Variants in FLNC observed in about 807,000 individuals in gnomAD.
FLNC encodes the protein filamin-C.
Under a neutral mutation model 254.3 loss-of-function variants are expected in FLNC, and 91 were observed. The ratio of observed to expected loss-of-function variants is 0.36; its 90% CI spans 0.30 to 0.43. The LOEUF (loss-of-function observed/expected upper bound fraction) is 0.43, where lower values mean the gene tolerates loss of function less well. Ranked by LOEUF, FLNC falls within the 20% of genes least tolerant of loss-of-function variation. FLNC has a pLI of 1.00. For synonymous variants in FLNC, 1,430 were observed against 1,577.2 expected (o/e 0.91, Z 2.21); for missense variants, 2,853 against 3,802.6 (o/e 0.75, Z 6.57).
rs186451916 is a variant in FLNC, at chr7:128,856,547, G to A, written c.7281G>A (p.Ala2427=). The change falls in exon 44 of 48, where the codon GCG becomes GCA. Residue 2427 remains alanine (A), a synonymous_variant. Coordinates refer to ENST00000325888, the MANE Select transcript of FLNC (RefSeq NM_001458.5). This position sits in a 1 kb window ranked among gnomAD's most constrained non-coding sequence, Gnocchi z 5.9. Reference sequence around the variant, plus strand: ...CGGGGCTCAAGGTGAACCAGCCAGCGTCCTTTGCCGTGCAGCTGAACGGTG... The same window carrying A: ...CGGGGCTCAAGGTGAACCAGCCAGCATCCTTTGCCGTGCAGCTGAACGGTG... ...QETGLKVNQP[A]SFAVQLNGAR... is the part of the protein sequence containing the mutation. 7.0e-5 allele frequency: 113 copies of A among 1,612,890 alleles called. No individual in the cohort carries two copies. The African/African-American group carries it at 1.3e-3, about 18-fold the overall frequency.
chr7:128,858,818 G>T lies in FLNC; in HGVS notation c.*295G>T. 1 of 489,290 alleles carries T rather than the reference G, an allele frequency of 2.0e-6. No individual in the cohort carries two copies. Among genetic ancestry groups the T allele is most frequent in the Non-Finnish European group, 3.7e-6 (1 of 266,930 alleles). 30.3% of individuals were successfully genotyped at this position (489,290 alleles called of 1,614,324 possible). A position where few individuals can be genotyped will look rare whatever the true frequency, so the allele number is the denominator to read the frequency against. On this transcript the variant is annotated 3_prime_UTR_variant, in exon 48 of 48. Transcript: ENST00000325888. The surrounding 1 kb of genome is among the most constrained non-coding windows in gnomAD (Gnocchi z 6.7). ...ACAAGGGGCTGGCGAGGGCTGCGAG[G>T]CCAGGGAAGCCCTGAGTTTCTGGCG...
rs780429083 is a variant in FLNC, at chr7:128,841,389, G to A, written c.2007+26G>A. 2.5e-6 allele frequency: 4 copies of A among 1,613,692 alleles called. No homozygotes were observed. The highest frequency in any genetic ancestry group is 1.3e-5 in the African/African-American group (1 of 75,028). The stretch of plus-strand genomic sequence containing the variant: ...GTGTGGTCCCAGCTCACACACACCT[G>A]CCCCGGGGGTGGGGCAAGCTGGTTC... On this transcript the variant is annotated intron_variant, in intron 12 of 47. Coordinates refer to ENST00000325888, the MANE Select transcript of FLNC (RefSeq NM_001458.5). The surrounding 1 kb of genome is among the most constrained non-coding windows in gnomAD (Gnocchi z 4.3).
chr7:128,846,158 A>C lies in FLNC; in HGVS notation c.3959A>C (p.Glu1320Ala). Residue 1320 changes from glutamate to alanine, a missense_variant, in exon 22 of 48, where the codon GAG becomes GCG. Transcript: ENST00000325888. ...TACCGAGTGCAGTACACCGCCTACG[A>C]GGAGGGTGAGGGCCGGTGGGCCAGG... is the stretch of plus-strand genomic sequence containing the variant. ...GTYRVQYTAY[E>A]EGVHLVEVLY... The C allele has an allele frequency of 6.2e-7, 1 of 1,611,478 alleles. No individual in the cohort carries two copies.
In FLNC at chr7:128,848,040, A is replaced by C. The variant is rs778417108; in HGVS notation, c.4552A>C (p.Lys1518Gln). 3 of 1,606,750 alleles carry C rather than the reference A, an allele frequency of 1.9e-6. No individual in the cohort carries two copies. The highest frequency in any genetic ancestry group is 2.6e-6 in the Non-Finnish European group (3 of 1,176,398). ...ATDGPYTVAV[K>Q]YADQEVPRSP... ...TGACGGGCCCTACACGGTAGCCGTC[A>C]AGTATGCTGACCAGGAGGTGCCACG... The change falls in exon 26 of 48, where the codon AAG becomes CAG. Residue 1518 changes from lysine (K) to glutamine (Q), a missense_variant. Lys to Gln is a moderately conservative substitution (Grantham distance 53). Transcript: ENST00000325888.
rs1438205248 is a variant in FLNC at position 128,858,450 on chromosome 7, G to A, written c.8105G>A (p.Gly2702Glu). Residue 2702 changes from glycine (G) to glutamate (E), a missense_variant, in exon 48 of 48, where the codon GGG (glycine) becomes GAG (glutamate). Physicochemically the swap from Gly to Glu is moderately conservative, Grantham distance 98 (BLOSUM62 -2). Coordinates refer to ENST00000325888, the MANE Select transcript of FLNC (RefSeq NM_001458.5). This position sits in a 1 kb window ranked among gnomAD's most constrained non-coding sequence, Gnocchi z 6.7. ...GTCACCTACACTGTCAAGGAGAAAG[G>A]GGACTACATCCTCATTGTCAAGTGG... is the stretch of plus-strand genomic sequence containing the variant. ...YNVTYTVKEK[G>E]DYILIVKWGD... 6.2e-7 allele frequency: 1 copy of A among 1,613,766 alleles called. No individual in the cohort carries two copies.
At position 128,842,462 on chromosome 7, in the gene FLNC, C is replaced by T; in HGVS notation, c.2265+88C>T. 6.3e-7 allele frequency: 1 copy of T among 1,599,778 alleles called. No individual in the cohort carries two copies. The highest frequency in any genetic ancestry group is 2.3e-5 in the East Asian group (1 of 44,368). On this transcript the variant is annotated intron_variant, in intron 14 of 47. Coordinates refer to ENST00000325888, the MANE Select transcript of FLNC (RefSeq NM_001458.5). This position sits in a 1 kb window ranked among gnomAD's most constrained non-coding sequence, Gnocchi z 5.4. Reference sequence around the variant, plus strand: ...CGCTGGAGTCCCTGTTGTCCCTGGGCTCAGGCTGGGACTGAGGCTTGGGCT... The same window carrying T: ...CGCTGGAGTCCCTGTTGTCCCTGGGTTCAGGCTGGGACTGAGGCTTGGGCT...
Position 128,850,794 on chromosome 7 carries a change from G to A in FLNC, c.5399-9G>A. On this transcript the variant is annotated splice_polypyrimidine_tract_variant and intron_variant, in intron 32 of 47. Transcript: ENST00000325888. Reference sequence around the variant, plus strand: ...CCAGGGTCTCCACGTAACTGTGTCTGCCCTGCAGGAGAGGTGCGGATGCCC... The same window carrying A: ...CCAGGGTCTCCACGTAACTGTGTCTACCCTGCAGGAGAGGTGCGGATGCCC... 1.9e-6 allele frequency: 3 copies of A among 1,613,756 alleles called. No individual in the cohort carries two copies. The highest frequency in any genetic ancestry group is 2.5e-6 in the Non-Finnish European group (3 of 1,180,024).
chr7:128,844,379 AGGGTGT>A (rs2128936274), intron 20 of FLNC, 113 bp downstream of exon 20: 1 of 1,331,178 alleles, frequency 7.5e-7, no homozygotes, highest in East Asian at 2.5e-5. Context: ...GGCACAGCCA[AGGGTGT>A]GGGGCTGAGG....
chr7:128,836,883 G>A lies in FLNC; in HGVS notation c.602-277G>A, dbSNP rs961065544. Among the ~76,000 whole-genome samples the A allele has an allele frequency of 6.6e-6, 1 of 152,222 alleles. No homozygotes were observed. The highest frequency in any genetic ancestry group is 1.5e-5 in the Non-Finnish European group (1 of 68,040). On this transcript the variant is annotated intron_variant, in intron 2 of 47. Transcript: ENST00000325888. This position sits in a 1 kb window ranked among gnomAD's most constrained non-coding sequence, Gnocchi z 6.0. Reference sequence around the variant, plus strand: ...TTTGGGGTTCAAGGTCTGAGCTGGGGCCTGGGCAGGCAGGAGGCCGGCCAG... The same window carrying A: ...TTTGGGGTTCAAGGTCTGAGCTGGGACCTGGGCAGGCAGGAGGCCGGCCAG...
intron 9 of FLNC, 78 bp downstream of exon 9, chr7:128,840,238 A>G (rs1585155394): frequency 6.4e-7 from 1 of 1,558,988 alleles, no homozygotes; most frequent in Non-Finnish European, 8.8e-7. Flanking sequence ...TCTGACTCCC[A>G]GAGGGCAGTG....
rs760853334 is a variant in FLNC, at chr7:128,846,462, A to G, written c.4126A>G (p.Arg1376Gly). The change falls in exon 23 of 48, where the codon AGG becomes GGG. Residue 1376 changes from arginine to glycine, a missense_variant and splice_region_variant. Arg to Gly is a moderately radical substitution (Grantham distance 125, BLOSUM62 -2). This residue lies in a region of FLNC where 1,573 missense variants were observed against 1,883.5 expected (regional missense o/e 0.84). Coordinates refer to ENST00000325888, the MANE Select transcript of FLNC (RefSeq NM_001458.5). ...GGCCAACCGATTCACTGTGGAGACC[A>G]GGTATCCTCCCCCTTTGCTAGCCTA... ...NKANRFTVETRGAGTGGLGLA... is the reference protein window; with the variant it reads ...NKANRFTVETGGAGTGGLGLA... The G allele has an allele frequency of 6.2e-7, 1 of 1,601,282 alleles. No individual in the cohort carries two copies. The highest frequency in any genetic ancestry group is 1.1e-5 in the South Asian group (1 of 91,084).
Position 128,849,953 on chromosome 7 carries a change from G to GC in FLNC, c.5200-18dup, listed in dbSNP as rs1397579409. ...GGCCTGTGAGGCTGCCACACCCTGTGCCCCCGTGCCTTGCCTCCCCAGGCG... is the reference window on the plus strand; with the variant it reads ...GGCCTGTGAGGCTGCCACACCCTGTGCCCCCCGTGCCTTGCCTCCCCAGGCG... On this transcript the variant is annotated intron_variant, in intron 30 of 47. Transcript: ENST00000325888. 6 of 1,524,038 alleles carry GC rather than the reference G, an allele frequency of 3.9e-6. No individual in the cohort carries two copies. The East Asian group carries it at 1.4e-4, about 35-fold the overall frequency. 94.4% of individuals were successfully genotyped at this position (1,524,038 alleles called of 1,614,324 possible).
At chr7:128,855,124 TA>T in intron 42 of FLNC, 74 bp from the exon 43 acceptor site, 1 of 1,167,798 alleles carries the variant, frequency 8.6e-7, no homozygotes. Flanking sequence ...TTTCCTGGGA[TA>T]AGGCCAGGGT....
At position 128,838,354 on chromosome 7, in the gene FLNC, T is replaced by G. The variant is rs746992457; in HGVS notation, c.1135T>G (p.Ser379Ala). 3.1e-6 allele frequency: 5 copies of G among 1,614,030 alleles called. No individual in the cohort carries two copies. Among genetic ancestry groups the G allele is most frequent in the Non-Finnish European group, 4.2e-6 (5 of 1,179,998 alleles). Residue 379 changes from serine (S) to alanine (A), a missense_variant, in exon 7 of 48, where the codon TCA becomes GCA. Ser to Ala is a moderately conservative substitution (Grantham distance 99). Around this residue, in one of 10 missense-constraint regions of FLNC, gnomAD observed 1,573 missense variants for 1,883.5 expected, o/e 0.84. Coordinates refer to ENST00000325888, the MANE Select transcript of FLNC (RefSeq NM_001458.5). ...GMALGDANKV[S>A]ARGPGLEPVG... Reference sequence around the variant, plus strand: ...GGCCCTGGGAGATGCCAACAAGGTGTCAGCCCGTGGCCCTGGCCTGGAACC... The same window carrying G: ...GGCCCTGGGAGATGCCAACAAGGTGGCAGCCCGTGGCCCTGGCCTGGAACC...
At chr7:128,846,491 C>T (rs772094597) in intron 23 of FLNC, 28 bp downstream of exon 23, 2 of 1,598,940 alleles carry the variant, frequency 1.3e-6, no homozygotes, top group Non-Finnish European at 1.7e-6. Context: ...TAGCCTAAAT[C>T]TGTGACCACC....
chr7:128,847,720 A>G lies in FLNC; in HGVS notation c.4312A>G (p.Lys1438Glu). The stretch of plus-strand genomic sequence containing the variant: ...AGGGAGCCCGTTCCGCGTGCCAGTG[A>G]AGGATGTGGTGGACCCTGGGAAGGT... ...IPGSPFRVPVKDVVDPGKVKC... is the reference protein window; with the variant it reads ...IPGSPFRVPVEDVVDPGKVKC... Residue 1438 changes from lysine (K) to glutamate (E), a missense_variant, in exon 25 of 48, where the codon AAG becomes GAG. Physicochemically the swap from Lys to Glu is moderately conservative, Grantham distance 56. Around this residue, in one of 10 missense-constraint regions of FLNC, gnomAD observed 1,573 missense variants for 1,883.5 expected, o/e 0.84. Coordinates refer to ENST00000325888, the MANE Select transcript of FLNC (RefSeq NM_001458.5). 1 of 1,614,088 alleles carries G rather than the reference A, an allele frequency of 6.2e-7. No individual in the cohort carries two copies. The highest frequency in any genetic ancestry group is 8.5e-7 in the Non-Finnish European group (1 of 1,179,968).
intron 8 of FLNC, 49 bp downstream of exon 8, chr7:128,838,852 G>T: frequency 6.4e-7 from 1 of 1,558,824 alleles, no homozygotes; most frequent in Non-Finnish European, 8.8e-7. Context: ...AAAGCCAGAG[G>T]CTTGCAAGGG....
chr7:128,842,411 G>A lies in FLNC; in HGVS notation c.2265+37G>A, dbSNP rs978326033. ...CGGCCTGCCCCGTGCCCACCACCAG[G>A]GGTCCCTGAGGGAGGGCGGAACCCT... On this transcript the variant is annotated intron_variant, in intron 14 of 47. Coordinates refer to ENST00000325888, the MANE Select transcript of FLNC (RefSeq NM_001458.5). The surrounding 1 kb of genome is among the most constrained non-coding windows in gnomAD (Gnocchi z 5.4). The A allele has an allele frequency of 5.6e-6, 9 of 1,612,822 alleles. No individual in the cohort carries two copies. In the African/African-American group the frequency reaches 1.1e-4, roughly 19 times the overall value.
intron 43 of FLNC, among the ~76,000 whole-genome samples, chr7:128,855,528 G>C (rs1809020401): frequency 6.6e-6 from 1 of 152,236 alleles, no homozygotes; most frequent in Admixed American, 6.5e-5. Flanking sequence ...GCCTCGTTCT[G>C]CCTTTCTCAG....
Sources: allele counts gnomAD v4.1 joint callset (sites outside exome capture counted in the v4.1 genomes callset), GRCh38; gene constraint gnomAD v4.1.1; regional missense constraint gnomAD v4.1.1; non-coding constraint Gnocchi (gnomAD v3.1); transcripts MANE v1.5; gene names NCBI Gene and HGNC (gene_info 2026-07-23, HGNC 2026-07-21).